TSC22D1: variants seen among roughly 807,000 people sequenced by gnomAD.
TSC22D1 encodes the protein TSC22 domain family member 1.
In TSC22D1, 9 loss-of-function variants were observed where a neutral mutation model predicts 74.2. The observed-to-expected ratio is 0.12, with a 90% CI of 0.07 to 0.21. The LOEUF is 0.21. TSC22D1 is among the 10% of genes least tolerant of loss of function. The pLI, the probability that TSC22D1 is intolerant of heterozygous loss-of-function variation, is 1.00. For missense variants in TSC22D1, 1,427 were observed against 1,304.7 expected, an observed-to-expected ratio of 1.09 and a Z score of -1.44; for synonymous variants, 586 against 492.5, an observed-to-expected ratio of 1.19 and a Z score of -2.51.
intron 1 of TSC22D1, among the ~76,000 whole-genome samples, chr13:44,557,068 G>A (rs1448072505): frequency 2.0e-5 from 3 of 151,380 alleles, no homozygotes; most frequent in African/African-American, 4.9e-5. Flanking sequence ...GCTTGAACCC[G>A]GGAGTCAGAG....
chr13:44,480,378 G>C (rs935925032), intron 1 of TSC22D1, among the ~76,000 whole-genome samples: 6 of 151,380 alleles, frequency 4.0e-5, no homozygotes, highest in African/African-American at 1.2e-4. Flanking sequence ...ACATATAAAA[G>C]TATTAGTTGA....
At chr13:44,441,081 G>A (rs1000369000) in intron 1 of TSC22D1, among the ~76,000 whole-genome samples, 6 of 152,120 alleles carry the variant, frequency 3.9e-5, no homozygotes, top group Admixed American at 1.3e-4. Flanking sequence ...AAGAAAAAAG[G>A]CAGGCATGGG....
Position 44,434,215 on chromosome 13 carries a change from G to T in TSC22D1, c.*411C>A. 7.0e-7 allele frequency: 1 copy of T among 1,438,574 alleles called. No individual in the cohort carries two copies. The highest frequency in any genetic ancestry group is 9.0e-7 in the Non-Finnish European group (1 of 1,110,468). 89.1% of individuals were successfully genotyped at this position (1,438,574 alleles called of 1,614,324 possible). ...CCTCCTGGGGGGAGGAGAGGAGAGA[G>T]GCGAGTCCAGTGAGGAGCTCCATCG... On this transcript the variant is annotated 3_prime_UTR_variant, in exon 3 of 3. Transcript: ENST00000458659.
intron 1 of TSC22D1, among the ~76,000 whole-genome samples, chr13:44,490,206 C>T (rs567317880): frequency 1.2e-4 from 18 of 152,058 alleles, no homozygotes; most frequent in Admixed American, 8.5e-4. Context: ...GTATTGAACA[C>T]GGAAGATAAG....
In TSC22D1 at chr13:44,447,833, CTTTTT is replaced by C. The variant is rs5803260; in HGVS notation, c.2913-11743_2913-11739del. Among the ~76,000 whole-genome samples the C allele has an allele frequency of 1.0e-4, 13 of 129,470 alleles. No homozygotes were observed. The East Asian group carries it at 1.1e-3, about 11-fold the overall frequency. 84.9% of individuals were successfully genotyped at this position (129,470 alleles called of 152,430 possible). ...ATGCTAAGAAGACCCAATGCCTTTT[CTTTTT>C]TTTTTTTTTTTTTTTAAGATGGTAA... On this transcript the variant is annotated intron_variant, in intron 1 of 2. Transcript: ENST00000458659.
rs1874253709 is a variant in TSC22D1 at position 44,433,727 on chromosome 13, C to T, written c.*899G>A. 4 of 470,768 alleles carry T rather than the reference C, an allele frequency of 8.5e-6. No individual in the cohort carries two copies. The highest frequency in any genetic ancestry group is 2.0e-5 in the African/African-American group (1 of 48,840). 29.2% of individuals were successfully genotyped at this position (470,768 alleles called of 1,614,324 possible). ...GTATTCAACCAGCTCAATTGAAAGA[C>T]TTCAGTGAACAAGGATTTACTTCAG... is the stretch of plus-strand genomic sequence containing the variant. On this transcript the variant is annotated 3_prime_UTR_variant, in exon 3 of 3. Transcript: ENST00000458659.
At chr13:44,541,673 G>A (rs188261105) in intron 1 of TSC22D1, among the ~76,000 whole-genome samples, 1 of 152,246 alleles carries the variant, frequency 6.6e-6, no homozygotes, top group East Asian at 1.9e-4. Flanking sequence ...GGAGGTATAT[G>A]ATGGATGATA....
rs148109906 is a variant in TSC22D1 at position 44,544,395 on chromosome 13, A to G, written c.2912+28768T>C. 9.2e-5 allele frequency among the ~76,000 whole-genome samples: 14 copies of G among 151,884 alleles called. No individual in the cohort carries two copies. The East Asian group carries it at 2.7e-3, about 29-fold the overall frequency. On this transcript the variant is annotated intron_variant, in intron 1 of 2. Transcript: ENST00000458659. ...CCACCCAAGTTCTTCGGAATTAGTTAACTAAGGTATTGTACTGACACTGGA... is the reference window on the plus strand; with the variant it reads ...CCACCCAAGTTCTTCGGAATTAGTTGACTAAGGTATTGTACTGACACTGGA...
chr13:44,462,135 G>A (rs1877031533), intron 1 of TSC22D1, among the ~76,000 whole-genome samples: 1 of 152,062 alleles, frequency 6.6e-6, no homozygotes, highest in South Asian at 2.1e-4. Context: ...TAACAAATAG[G>A]ACTATGTATT....
At position 44,574,929 on chromosome 13, in the gene TSC22D1, AG is replaced by A; in HGVS notation, c.1145del (p.Pro382LeufsTer7). 1 of 1,614,136 alleles carries A rather than the reference AG, an allele frequency of 6.2e-7. No individual in the cohort carries two copies. The highest frequency in any genetic ancestry group is 8.5e-7 in the Non-Finnish European group (1 of 1,180,028). ...CCCCAGTCATCCCTGCAGCTGCATT[AG>A]GAACACTGCTAACAGCAGCAGAGGA... ...ISSSAAVSSV[P>X]NAAAGMTGGS... On this transcript the variant is annotated frameshift_variant, in exon 1 of 3. Coordinates refer to ENST00000458659, the MANE Select transcript of TSC22D1 (RefSeq NM_183422.4). LOFTEE classifies it high-confidence loss of function.
At chr13:44,549,802 C>T (rs9533902) in intron 1 of TSC22D1, among the ~76,000 whole-genome samples, 1 of 149,506 alleles carries the variant, frequency 6.7e-6, no homozygotes, top group Non-Finnish European at 1.5e-5. Flanking sequence ...AAGAAGAAGG[C>T]GGCGGCGGCA....
chr13:44,443,570 C>G (rs1875378708), intron 1 of TSC22D1, among the ~76,000 whole-genome samples: 1 of 152,118 alleles, frequency 6.6e-6, no homozygotes, highest in Admixed American at 6.5e-5. Context: ...TGACTGTTGC[C>G]AGGTGCAGTG....
intron 1 of TSC22D1, among the ~76,000 whole-genome samples, chr13:44,453,168 CCTT>C (rs1447461727): frequency 6.6e-6 from 1 of 152,218 alleles, no homozygotes; most frequent in African/African-American, 2.4e-5. Context: ...CTCCCTTTAA[CCTT>C]CTCCTTTGAA....
At position 44,576,050 on chromosome 13, in the gene TSC22D1, CGGT is replaced by C; in HGVS notation, c.22_24del (p.Thr8del). The C allele has an allele frequency of 6.4e-7, 1 of 1,568,368 alleles. No homozygotes were observed. Among genetic ancestry groups the C allele is most frequent in the Non-Finnish European group, 8.6e-7 (1 of 1,159,284 alleles). ...ATGTCTGCAGCGGCGGCGGCCGCGG[CGGT>C]GGACTCAGGCGGCTGGTGCATTGTG... is the stretch of plus-strand genomic sequence containing the variant. On this transcript the variant is annotated inframe_deletion, in exon 1 of 3. Transcript: ENST00000458659.
intron 1 of TSC22D1, among the ~76,000 whole-genome samples, chr13:44,550,352 T>C (rs1379581915): frequency 9.2e-5 from 14 of 151,894 alleles, no homozygotes; most frequent in Non-Finnish European, 2.1e-4. Flanking sequence ...GGAGGCCGGG[T>C]GGGTGGATCA....
At chr13:44,570,720 A>G (rs559831121) in intron 1 of TSC22D1, among the ~76,000 whole-genome samples, 1 of 152,178 alleles carries the variant, frequency 6.6e-6, no homozygotes, top group South Asian at 2.1e-4. Context: ...ACATTTCCTG[A>G]TTCATAATAT....
intron 1 of TSC22D1, among the ~76,000 whole-genome samples, chr13:44,471,575 A>G (rs1181781407): frequency 6.6e-6 from 1 of 152,146 alleles, no homozygotes; most frequent in Non-Finnish European, 1.5e-5. Context: ...GATTGTTCAG[A>G]CTCTTCAATG....
intron 1 of TSC22D1, among the ~76,000 whole-genome samples, chr13:44,463,243 T>C (rs1877098551): frequency 6.6e-6 from 1 of 152,302 alleles, no homozygotes; most frequent in Middle Eastern, 3.4e-3. Flanking sequence ...AAAAGCTACA[T>C]GGTATTTCCT....
At position 44,433,354 on chromosome 13, in the gene TSC22D1, A is replaced by C. The variant is rs1316765696; in HGVS notation, c.*1272T>G. 1.3e-5 allele frequency: 2 copies of C among 152,510 alleles called. No individual in the cohort carries two copies. Among genetic ancestry groups the C allele is most frequent in the Non-Finnish European group, 2.9e-5 (2 of 68,262 alleles). 9.4% of individuals were successfully genotyped at this position (152,510 alleles called of 1,614,324 possible). On this transcript the variant is annotated 3_prime_UTR_variant, in exon 3 of 3. Transcript: ENST00000458659. ...CTGTCTCTTCTCTTACCTGCTGAACAACTCAATGTGTCAATTTCCTTTTAC... is the reference window on the plus strand; with the variant it reads ...CTGTCTCTTCTCTTACCTGCTGAACCACTCAATGTGTCAATTTCCTTTTAC...
Sources: allele counts gnomAD v4.1 joint callset (sites outside exome capture counted in the v4.1 genomes callset), GRCh38; gene constraint gnomAD v4.1.1; transcripts MANE v1.5; gene names NCBI Gene and HGNC (gene_info 2026-07-23, HGNC 2026-07-21).